Variants in WWOX observed in about 807,000 individuals in gnomAD.
WWOX encodes WW domain-containing oxidoreductase.
In WWOX, 69 loss-of-function variants were observed where a neutral mutation model predicts 46.2. That is an observed-to-expected ratio of 1.49 (90% CI 1.23 to 1.82). The LOEUF (loss-of-function observed/expected upper bound fraction) is 1.82, where lower values mean the gene tolerates loss of function less well. Among genes scored for constraint, WWOX ranks in the 40% most tolerant of loss-of-function variants. The probability of loss-of-function intolerance (pLI) is 0.00; values close to 1 mark genes in which losing one functional copy is unlikely to be tolerated. For synonymous variants in WWOX, 359 were observed against 202.6 expected (o/e 1.77, Z -6.56); for missense variants, 919 against 542.6 (o/e 1.69, Z -6.89).
At chr16:78,769,522 C>T (rs1314864863) in intron 8 of WWOX, among the ~76,000 whole-genome samples, 1 of 141,666 alleles carries the variant, frequency 7.1e-6, no homozygotes, top group African/African-American at 2.7e-5. Flanking sequence ...CTCCCACCCA[C>T]CCCCCACATT....
intron 8 of WWOX, among the ~76,000 whole-genome samples, chr16:78,568,695 G>A (rs964479614): frequency 1.3e-5 from 2 of 152,000 alleles, no homozygotes; most frequent in African/African-American, 4.8e-5. Flanking sequence ...GGCTGGTGTC[G>A]ATTTCCTGAC....
At chr16:78,494,737 C>T (rs902747266) in intron 8 of WWOX, among the ~76,000 whole-genome samples, 5 of 152,172 alleles carry the variant, frequency 3.3e-5, no homozygotes, top group African/African-American at 1.2e-4. Flanking sequence ...GTCCTTGAGT[C>T]AGCACATTGA....
At chr16:78,141,549 G>A (rs1393537733) in intron 4 of WWOX, among the ~76,000 whole-genome samples, 1 of 150,500 alleles carries the variant, frequency 6.6e-6, no homozygotes, top group African/African-American at 2.5e-5. Context: ...CAATTTTGTA[G>A]GGGAGGAAAG....
intron 6 of WWOX, among the ~76,000 whole-genome samples, chr16:78,395,620 G>A (rs927788759): frequency 6.6e-6 from 1 of 152,092 alleles, no homozygotes; most frequent in Non-Finnish European, 1.5e-5. Context: ...AAGAGAAGAA[G>A]GGAAATGAGC....
chr16:79,178,127 C>T (rs1233501415), intron 8 of WWOX, among the ~76,000 whole-genome samples: 1 of 152,168 alleles, frequency 6.6e-6, no homozygotes, highest in Middle Eastern at 3.2e-3. Flanking sequence ...ATTGGAGATT[C>T]CTTTTCAACG....
intron 8 of WWOX, among the ~76,000 whole-genome samples, chr16:78,527,818 A>AG (rs1442193667): frequency 6.6e-6 from 1 of 151,402 alleles, no homozygotes; most frequent in Non-Finnish European, 1.5e-5. Context: ...GGTAGAGGAT[A>AG]GGGGGGAAAA....
intron 6 of WWOX, among the ~76,000 whole-genome samples, chr16:78,417,826 C>T (rs558550497): frequency 4.0e-4 from 61 of 152,234 alleles, no homozygotes; most frequent in Non-Finnish European, 7.5e-4. Context: ...GTAGTGGGCA[C>T]CCTATGTGGA....
chr16:78,772,125 G>T (rs1390777859), intron 8 of WWOX, among the ~76,000 whole-genome samples: 1 of 152,154 alleles, frequency 6.6e-6, no homozygotes, highest in African/African-American at 2.4e-5. Context: ...TTGTTGAACA[G>T]ATTATTTCAT....
rs112460142 is a variant in WWOX, at chr16:78,183,237, C to T, written c.516+18948C>T. Among the ~76,000 whole-genome samples the T allele has an allele frequency of 5.1e-3, 782 of 152,196 alleles. 7 individuals are homozygous for T. The highest frequency in any genetic ancestry group is 0.018 in the African/African-American group (744 of 41,520). ...AATAGTAATAATAATATCTACCACCCACTAGGGGTCTATGTGTGTATGTGT... is the reference window on the plus strand; with the variant it reads ...AATAGTAATAATAATATCTACCACCTACTAGGGGTCTATGTGTGTATGTGT... On this transcript the variant is annotated intron_variant, in intron 5 of 8. Transcript: ENST00000566780.
intron 8 of WWOX, among the ~76,000 whole-genome samples, chr16:78,805,458 T>C (rs1413638979): frequency 2.0e-5 from 3 of 151,680 alleles, no homozygotes; most frequent in Non-Finnish European, 2.9e-5. Context: ...GTATTTTTCA[T>C]ATTTTTCGTA....
At chr16:79,189,385 G>A (rs1412347133) in intron 8 of WWOX, among the ~76,000 whole-genome samples, 1 of 151,320 alleles carries the variant, frequency 6.6e-6, no homozygotes, top group Non-Finnish European at 1.5e-5. Flanking sequence ...AGCCTCCCGA[G>A]TAGCTGGGAC....
chr16:78,987,317 A>G (rs2046802149), intron 8 of WWOX, among the ~76,000 whole-genome samples: 2 of 152,200 alleles, frequency 1.3e-5, no homozygotes, highest in African/African-American at 2.4e-5. Context: ...TGTTTTGACA[A>G]TGATCTTTTT....
At chr16:78,467,332 C>T (rs545349954) in intron 8 of WWOX, among the ~76,000 whole-genome samples, 146 of 151,904 alleles carry the variant, frequency 9.6e-4, no homozygotes, top group South Asian at 2.5e-3. Context: ...TACATGTATG[C>T]GCACATACAC....
chr16:79,044,890 T>G (rs1414277911), intron 8 of WWOX, among the ~76,000 whole-genome samples: 2 of 152,160 alleles, frequency 1.3e-5, no homozygotes, highest in African/African-American at 4.8e-5. Context: ...CATCCTCCCC[T>G]GTGTAGAATG....
intron 8 of WWOX, among the ~76,000 whole-genome samples, chr16:78,566,663 C>T (rs76981451): frequency 0.034 from 5,125 of 152,282 alleles, 120 homozygotes; most frequent in Middle Eastern, 0.075. Context: ...AGAAGTCTCT[C>T]AGGACAGGGC....
chr16:78,619,535 G>C (rs899431617), intron 8 of WWOX, among the ~76,000 whole-genome samples: 10 of 151,774 alleles, frequency 6.6e-5, no homozygotes, highest in East Asian at 3.9e-4. Flanking sequence ...CTCCTGCTGT[G>C]ATGCCACTTC....
chr16:78,117,656 A>T (rs1490251884), intron 4 of WWOX, among the ~76,000 whole-genome samples: 1 of 152,206 alleles, frequency 6.6e-6, no homozygotes, highest in East Asian at 1.9e-4. Flanking sequence ...CTACTAAGCT[A>T]TGAAACATGC....
At chr16:78,432,437 G>C (rs372828773) in intron 7 of WWOX, 51 bp from the exon 8 acceptor site, 1 of 1,605,718 alleles carries the variant, frequency 6.2e-7, no homozygotes, top group Admixed American at 1.7e-5. Flanking sequence ...ATAAAAAGCT[G>C]TGTGGGAAGT....
chr16:78,734,414 A>T (rs16948387), intron 8 of WWOX, among the ~76,000 whole-genome samples: 2 of 152,108 alleles, frequency 1.3e-5, no homozygotes, highest in East Asian at 3.9e-4. Context: ...ATTGGAATAT[A>T]GTAAATGTTT....
Sources: gnomAD v4.1 joint callset for allele counts (sites outside exome capture counted in the v4.1 genomes callset) on GRCh38, gnomAD v4.1.1 for gene constraint, MANE v1.5 for transcripts, NCBI Gene and HGNC (gene_info 2026-07-23, HGNC 2026-07-21) for gene names.